Variants in GNB5 observed in about 807,000 individuals in gnomAD.
GNB5 encodes G protein subunit beta 5.
Under a neutral mutation model 55.3 loss-of-function variants are expected in GNB5, and 37 were observed. The observed-to-expected ratio is 0.67, with a 90% CI of 0.51 to 0.88. The LOEUF (loss-of-function observed/expected upper bound fraction) is 0.88, where lower values mean the gene tolerates loss of function less well. GNB5 is among the 40% of genes least tolerant of loss of function. The pLI is 0.00. For missense variants in GNB5, 476 were observed against 515.3 expected (o/e 0.92, Z 0.74); for synonymous variants, 219 against 198.5 (o/e 1.10, Z -0.87).
At chr15:52,163,591 C>CCACAG (rs2034387466) in intron 3 of GNB5, among the ~76,000 whole-genome samples, 1 of 152,194 alleles carries the variant, frequency 6.6e-6, no homozygotes, top group African/African-American at 2.4e-5. Flanking sequence ...GAGGAATTCC[C>CCACAG]CACAGCGCAG....
intron 4 of GNB5, among the ~76,000 whole-genome samples, chr15:52,151,355 G>C (rs2034092136): frequency 6.6e-6 from 1 of 152,154 alleles, no homozygotes. Flanking sequence ...TGGAGTCCCT[G>C]TGTGTGCCAC....
chr15:52,166,481 A>C (rs549567880), intron 3 of GNB5, among the ~76,000 whole-genome samples: 2 of 152,310 alleles, frequency 1.3e-5, no homozygotes, highest in Admixed American at 6.5e-5. Context: ...AAATCATAAC[A>C]GTCTCTCAGA....
At chr15:52,137,264 A>G (rs1412455842) in intron 7 of GNB5, 1 of 1,149,574 alleles carries the variant, frequency 8.7e-7, no homozygotes, top group Non-Finnish European at 1.1e-6. Context: ...ACAAGGATCA[A>G]TGACAACAGC....
At chr15:52,186,440 A>G (rs1056105373) in intron 1 of GNB5, among the ~76,000 whole-genome samples, 3 of 152,140 alleles carry the variant, frequency 2.0e-5, no homozygotes, top group African/African-American at 4.8e-5. Context: ...AGTGGGATGG[A>G]CTTGGACCAT....
At chr15:52,177,956 A>C (rs1162297628) in intron 3 of GNB5, among the ~76,000 whole-genome samples, 1 of 152,168 alleles carries the variant, frequency 6.6e-6, no homozygotes. Context: ...GGACAAAAAA[A>C]AGTTTCTTCT....
intron 9 of GNB5, 123 bp from the exon 10 acceptor site, chr15:52,128,367 A>C: frequency 1.4e-6 from 1 of 695,318 alleles, no homozygotes; most frequent in Non-Finnish European, 2.6e-6. Flanking sequence ...TTTGCAGCAG[A>C]AGACGGAAGA....
intron 7 of GNB5, chr15:52,139,040 C>G (rs1313972147): frequency 1.3e-5 from 2 of 152,150 alleles, no homozygotes; most frequent in Admixed American, 1.3e-4. Flanking sequence ...TTGAGTTTCT[C>G]TTTTATCAAC....
At chr15:52,161,641 A>G (rs1342707884) in intron 3 of GNB5, among the ~76,000 whole-genome samples, 1 of 152,226 alleles carries the variant, frequency 6.6e-6, no homozygotes, top group Non-Finnish European at 1.5e-5. Context: ...TCACAGAGCT[A>G]GAGAGCCTAG....
intron 5 of GNB5, among the ~76,000 whole-genome samples, chr15:52,147,782 C>A (rs971530935): frequency 6.6e-6 from 1 of 152,122 alleles, no homozygotes; most frequent in Non-Finnish European, 1.5e-5. Context: ...GGGGTTTCGC[C>A]ATGTTGGCCA....
intron 6 of GNB5, chr15:52,144,471 AT>A (rs2033927017): frequency 6.6e-6 from 1 of 152,210 alleles, no homozygotes; most frequent in African/African-American, 2.4e-5. Flanking sequence ...AGAACTTACG[AT>A]TCCTACTGAG....
chr15:52,138,228 C>T (rs182338443), intron 7 of GNB5, among the ~76,000 whole-genome samples: 93 of 151,986 alleles, frequency 6.1e-4, no homozygotes, highest in Non-Finnish European at 1.1e-3. Context: ...ACTAAAAATA[C>T]AAAAATTAGC....
chr15:52,170,016 A>T (rs59289747), intron 3 of GNB5, among the ~76,000 whole-genome samples: 7,867 of 152,306 alleles, frequency 0.052, 699 homozygotes, highest in African/African-American at 0.18. Context: ...ATGAGATACC[A>T]TCTCATGTCA....
At position 52,190,778 on chromosome 15, in the gene GNB5, T is replaced by TA. The variant is rs58614125; in HGVS notation, c.-19+543dup. ...CCACAGAAAATAATGCTTATTTCCT[T>TA]AAAAAAAAAAAAAAAAAAAAAAAAA... On this transcript the variant is annotated intron_variant, in intron 1 of 12. Coordinates refer to ENST00000261837, the MANE Select transcript of GNB5 (RefSeq NM_016194.4). Among the ~76,000 whole-genome samples, 7 of 96,906 alleles carry TA rather than the reference T, an allele frequency of 7.2e-5. 1 individual carries two copies. The highest frequency in any genetic ancestry group is 2.2e-4 in the African/African-American group (5 of 22,724). 63.6% of individuals were successfully genotyped at this position (96,906 alleles called of 152,430 possible).
chr15:52,156,019 G>T (rs1185143745), intron 3 of GNB5, among the ~76,000 whole-genome samples: 2 of 152,100 alleles, frequency 1.3e-5, no homozygotes, highest in African/African-American at 2.4e-5. Flanking sequence ...CTGGCAAGTG[G>T]TGATCTTTCT....
intron 9 of GNB5, among the ~76,000 whole-genome samples, chr15:52,129,671 G>A (rs2033524328): frequency 6.6e-6 from 1 of 152,126 alleles, no homozygotes; most frequent in South Asian, 2.1e-4. Context: ...TATCTTCCAG[G>A]TAATACATAG....
intron 12 of GNB5, among the ~76,000 whole-genome samples, chr15:52,123,396 C>T (rs866712212): frequency 9.9e-5 from 15 of 152,114 alleles, no homozygotes; most frequent in African/African-American, 3.6e-4. Context: ...TAAGTGCCCC[C>T]CAACAAAGAC....
intron 3 of GNB5, among the ~76,000 whole-genome samples, chr15:52,170,401 T>C (rs1029287775): frequency 5.3e-5 from 8 of 152,186 alleles, no homozygotes; most frequent in Middle Eastern, 3.2e-3. Context: ...AATGAAATAA[T>C]GTCCTTTGCA....
In GNB5 at chr15:52,191,330, G is replaced by A. The variant is rs1008502481; in HGVS notation, c.-27C>T. On this transcript the variant is annotated 5_prime_UTR_variant, in exon 1 of 13. Coordinates refer to ENST00000261837, the MANE Select transcript of GNB5 (RefSeq NM_016194.4). ...TGTCAGCATGCACATACCTTCCAGA[G>A]TCAGCACTGGGAGCCACAGAGCAGA... is the stretch of plus-strand genomic sequence containing the variant. 1.3e-5 allele frequency: 2 copies of A among 152,358 alleles called. No homozygotes were observed. Among genetic ancestry groups the A allele is most frequent in the African/African-American group, 4.8e-5 (2 of 41,448 alleles). The allele number at this position is 152,358 out of a possible 1,614,324, so 9.4% of individuals were successfully genotyped here.
rs372300129 is a variant in GNB5, at chr15:52,183,954, C to T, written c.126+597G>A. On this transcript the variant is annotated intron_variant, in intron 2 of 12. Coordinates refer to ENST00000261837, the MANE Select transcript of GNB5 (RefSeq NM_016194.4). ...TTCCATTCCTAGTCTTTGTTGAAGG[C>T]TTAGGCCCAAGGAGTACTTCTGAGC... Among the ~76,000 whole-genome samples, 10 of 152,292 alleles carry T rather than the reference C, an allele frequency of 6.6e-5. No homozygotes were observed. In the East Asian group the frequency reaches 1.4e-3, roughly 21 times the overall value.
Sources: gnomAD v4.1 joint callset for allele counts (sites outside exome capture counted in the v4.1 genomes callset) on GRCh38, gnomAD v4.1.1 for gene constraint, MANE v1.5 for transcripts, NCBI Gene and HGNC (gene_info 2026-07-23, HGNC 2026-07-21) for gene names.